The following ERP44 variants were observed in gnomAD, a reference collection of about 807,000 sequenced individuals.
ERP44 encodes the protein endoplasmic reticulum protein 44.
Under a neutral mutation model 53.4 loss-of-function variants are expected in ERP44, and 25 were observed. The observed-to-expected ratio is 0.47, with a 90% CI of 0.34 to 0.65. The LOEUF (loss-of-function observed/expected upper bound fraction) is 0.65. Among genes scored for constraint, ERP44 ranks in the 30% least tolerant of loss-of-function variants. The pLI is 0.01. For synonymous variants in ERP44, 145 were observed against 161.2 expected (o/e 0.90, Z 0.76); for missense variants, 338 against 493.2 (o/e 0.69, Z 2.98).
chr9:100,065,710 C>T (rs1245242781), intron 1 of ERP44, among the ~76,000 whole-genome samples: 1 of 152,154 alleles, frequency 6.6e-6, no homozygotes, highest in Non-Finnish European at 1.5e-5. Flanking sequence ...AAATTCAACA[C>T]TTCTTGTACA....
chr9:100,054,450 C>T (rs1826069164), intron 3 of ERP44, among the ~76,000 whole-genome samples: 1 of 152,136 alleles, frequency 6.6e-6, no homozygotes, highest in South Asian at 2.1e-4. Flanking sequence ...ACATCAAGGG[C>T]TTCTTTTCTC....
intron 1 of ERP44, among the ~76,000 whole-genome samples, chr9:100,088,381 G>C (rs1468591165): frequency 6.6e-6 from 1 of 152,124 alleles, no homozygotes; most frequent in East Asian, 1.9e-4. Context: ...GCTTTGCACT[G>C]ACTAACGGCC....
At chr9:100,055,650 C>T (rs575091968) in intron 3 of ERP44, among the ~76,000 whole-genome samples, 8 of 152,342 alleles carry the variant, frequency 5.3e-5, no homozygotes, top group East Asian at 1.9e-4. Context: ...GGATTACAGG[C>T]GTGAGCCACT....
intron 6 of ERP44, among the ~76,000 whole-genome samples, chr9:100,018,710 T>A (rs1373444310): frequency 6.6e-6 from 1 of 152,210 alleles, no homozygotes; most frequent in Admixed American, 6.5e-5. Context: ...TGTTGTTTCC[T>A]GAACCTAGTA....
chr9:100,014,483 C>T (rs1218325577), intron 8 of ERP44, among the ~76,000 whole-genome samples: 1 of 152,084 alleles, frequency 6.6e-6, no homozygotes, highest in African/African-American at 2.4e-5. Context: ...GGGGGTTTCA[C>T]CATGTTAGTT....
At chr9:99,996,907 A>ATGTATGTATGTATGTATG (rs1237601281) in intron 10 of ERP44, among the ~76,000 whole-genome samples, 2 of 19,018 alleles carry the variant, frequency 1.1e-4, no homozygotes, top group African/African-American at 1.2e-3. Flanking sequence ...GTATATATAT[A>ATGTATGTATGTATGTATG]CATATATATA....
intron 10 of ERP44, among the ~76,000 whole-genome samples, chr9:100,000,179 C>T (rs1830361789): frequency 6.6e-6 from 1 of 151,922 alleles, no homozygotes; most frequent in Admixed American, 6.6e-5. Flanking sequence ...GTCTCTAATC[C>T]CAGTGCTTTG....
intron 1 of ERP44, among the ~76,000 whole-genome samples, chr9:100,087,160 A>G (rs1174072610): frequency 2.0e-5 from 3 of 151,950 alleles, no homozygotes; most frequent in African/African-American, 4.8e-5. Context: ...AAACCAATGG[A>G]CTATACGACA....
intron 11 of ERP44, among the ~76,000 whole-genome samples, chr9:99,983,551 CAAAAAAAAAAAAAAAAAA>C (rs59132233): frequency 1.5e-5 from 1 of 66,974 alleles, no homozygotes; most frequent in African/African-American, 6.8e-5. Context: ...GACTCCGTCT[CAAAAAAAAAAAAAAAAAA>C]AAAAAAGAAA....
Position 100,043,291 on chromosome 9 carries a change from A to AAAAAAAAAAAAAG in ERP44, c.286+9125_286+9126insCTTTTTTTTTTTT, listed in dbSNP as rs1168903331. Among the ~76,000 whole-genome samples the AAAAAAAAAAAAAG allele has an allele frequency of 4.2e-3, 318 of 74,912 alleles. 100 individuals carry two copies. The highest frequency in any genetic ancestry group is 0.02 in the Middle Eastern group (2 of 98). The allele number at this position is 74,912 out of a possible 152,430, so 49.1% of individuals were successfully genotyped here. ...AAAAAAAAAAAAAAAAAAAAAAAAAAGATAAATAAGACATAGTATTTGCTA... is the reference window on the plus strand; with the variant it reads ...AAAAAAAAAAAAAAAAAAAAAAAAAAAAAAAAAAAAAAGGATAAATAAGACATAGTATTTGCTA... On this transcript the variant is annotated intron_variant, in intron 4 of 11. Coordinates refer to ENST00000262455, the MANE Select transcript of ERP44 (RefSeq NM_015051.3).
At chr9:99,996,544 C>T (rs2118615796) in intron 10 of ERP44, among the ~76,000 whole-genome samples, 1 of 151,672 alleles carries the variant, frequency 6.6e-6, no homozygotes, top group Admixed American at 6.5e-5. Flanking sequence ...TTTTTTTTCC[C>T]CCATTGGTTA....
intron 10 of ERP44, among the ~76,000 whole-genome samples, chr9:99,998,141 T>C (rs75964756): frequency 0.1 from 15,890 of 152,266 alleles, 1,132 homozygotes; most frequent in Non-Finnish European, 0.16. Context: ...ATCACTACTT[T>C]CTTTAGAATG....
intron 1 of ERP44, among the ~76,000 whole-genome samples, chr9:100,090,722 C>T (rs1287163600): frequency 3.3e-5 from 5 of 151,058 alleles, no homozygotes; most frequent in Non-Finnish European, 7.4e-5. Flanking sequence ...GCATTCCAGC[C>T]TGGGCAACGG....
intron 1 of ERP44, among the ~76,000 whole-genome samples, chr9:100,065,856 C>T (rs911627572): frequency 4.6e-5 from 7 of 152,284 alleles, no homozygotes; most frequent in African/African-American, 1.7e-4. Flanking sequence ...AATTCATAGA[C>T]GCATTAGCTA....
chr9:100,006,675 A>G, intron 9 of ERP44, 28 bp from the exon 10 acceptor site: 1 of 1,498,742 alleles, frequency 6.7e-7, no homozygotes, highest in Non-Finnish European at 9.0e-7. Flanking sequence ...TTTGAGAGGT[A>G]AATTCAAATT....
chr9:100,038,522 A>C (rs1825867989), intron 4 of ERP44, among the ~76,000 whole-genome samples: 1 of 152,192 alleles, frequency 6.6e-6, no homozygotes, highest in Non-Finnish European at 1.5e-5. Context: ...AAAGAAATGA[A>C]ATCATATCAC....
intron 1 of ERP44, among the ~76,000 whole-genome samples, chr9:100,061,219 G>A (rs1169314549): frequency 2.0e-5 from 3 of 152,052 alleles, no homozygotes; most frequent in South Asian, 2.1e-4. Context: ...AAGGCGGGCA[G>A]ATCACAACGA....
Position 99,980,040 on chromosome 9 carries a change from TC to T in ERP44, c.*2571del, listed in dbSNP as rs1305018767. 2.5e-6 allele frequency: 1 copy of T among 398,570 alleles called. No homozygotes were observed. The highest frequency in any genetic ancestry group is 4.4e-6 in the Non-Finnish European group (1 of 226,028). 24.7% of individuals were successfully genotyped at this position (398,570 alleles called of 1,614,324 possible). A position where few individuals can be genotyped will look rare whatever the true frequency, so the allele number is the denominator to read the frequency against. On this transcript the variant is annotated 3_prime_UTR_variant, in exon 12 of 12. Transcript: ENST00000262455. ...TTTTTCTCTAATGCATTAGGCTGTT[TC>T]ATACCTTTGCTCAGATTATTCCCTC...
intron 10 of ERP44, among the ~76,000 whole-genome samples, chr9:100,001,384 A>C (rs1255230211): frequency 1.3e-5 from 2 of 152,170 alleles, no homozygotes; most frequent in Non-Finnish European, 2.9e-5. Flanking sequence ...TTTAAGTCCA[A>C]AATTTCCCTA....
Sources: gnomAD v4.1 joint callset for allele counts (sites outside exome capture counted in the v4.1 genomes callset) on GRCh38, gnomAD v4.1.1 for gene constraint, MANE v1.5 for transcripts, NCBI Gene and HGNC (gene_info 2026-07-23, HGNC 2026-07-21) for gene names.